COL24A1: variants seen among roughly 807,000 people sequenced by gnomAD.
The protein encoded by COL24A1 is collagen type XXIV alpha 1 chain, also known as collagen alpha-1(XXIV) chain.
A neutral mutation model predicts 253.9 loss-of-function variants in COL24A1; 224 were observed. The observed-to-expected ratio is 0.88, with a 90% CI of 0.79 to 0.99. The LOEUF (loss-of-function observed/expected upper bound fraction) is 0.99. Ranked by LOEUF, COL24A1 falls within the 50% of genes least tolerant of loss-of-function variation. The pLI, the probability that COL24A1 is intolerant of heterozygous loss-of-function variation, is 0.00. For missense variants in COL24A1, 2,131 were observed against 2,068.5 expected, an observed-to-expected ratio of 1.03 and a Z score of -0.59; for synonymous variants, 685 against 673.7, an observed-to-expected ratio of 1.02 and a Z score of -0.26.
chr1:85,982,360 C>T (rs12405568), intron 20 of COL24A1, among the ~76,000 whole-genome samples: 18,516 of 152,024 alleles, frequency 0.12, 1,260 homozygotes, highest in East Asian at 0.23. Flanking sequence ...ACAGTGTGCA[C>T]ACATTTTGTT....
chr1:85,779,031 G>A (rs752935874), intron 52 of COL24A1, among the ~76,000 whole-genome samples: 60 of 150,446 alleles, frequency 4.0e-4, no homozygotes, highest in Admixed American at 7.3e-4. Context: ...AAAGAGATGG[G>A]GTCTCACTCT....
At chr1:86,073,742 G>A (rs1317376032) in intron 7 of COL24A1, among the ~76,000 whole-genome samples, 2 of 152,114 alleles carry the variant, frequency 1.3e-5, no homozygotes, top group Non-Finnish European at 2.9e-5. Flanking sequence ...TACTCACAAA[G>A]GGAACCCCAT....
chr1:85,863,010 T>C (rs1229528994), intron 37 of COL24A1, among the ~76,000 whole-genome samples: 1 of 152,216 alleles, frequency 6.6e-6, no homozygotes, highest in Admixed American at 6.5e-5. Context: ...GGTTTGTAGT[T>C]CTCCTTGAAG....
At chr1:86,058,833 T>A (rs1399194290) in intron 9 of COL24A1, among the ~76,000 whole-genome samples, 1 of 152,214 alleles carries the variant, frequency 6.6e-6, no homozygotes. Flanking sequence ...TATTGTAAAA[T>A]CACAATCAGG....
At chr1:85,900,429 A>T (rs549994882) in intron 28 of COL24A1, among the ~76,000 whole-genome samples, 35 of 152,252 alleles carry the variant, frequency 2.3e-4, no homozygotes, top group African/African-American at 8.2e-4. Flanking sequence ...ACTTGAGCCC[A>T]GGAGTTCAAG....
chr1:86,126,028 C>T lies in COL24A1; in HGVS notation c.308G>A (p.Gly103Glu), dbSNP rs1346911661. 6.2e-7 allele frequency: 1 copy of T among 1,613,518 alleles called. No homozygotes were observed. The highest frequency in any genetic ancestry group is 1.1e-5 in the South Asian group (1 of 91,066). Residue 103 changes from glycine (G) to glutamate (E), a missense_variant, in exon 3 of 60, where the codon GGG becomes GAG. By Grantham distance (98) the Gly-to-Glu change is moderately conservative (BLOSUM62 -2). Transcript: ENST00000370571. ...PFVKILPVNL[G>E]QPFTILTGLQ... ...CCCAGTTAATATTGTAAACGGCTGC[C>T]CCAAGTTGACTGGTAAAATTTTCAC...
intron 34 of COL24A1, 33 bp from the exon 35 acceptor site, chr1:85,874,735 TCTACTA>T (rs1558487830): frequency 6.2e-7 from 1 of 1,608,008 alleles, no homozygotes; most frequent in Admixed American, 1.7e-5. Context: ...TAAACTCTTT[TCTACTA>T]AGACTGCATG....
chr1:86,063,295 T>C (rs1327934181), intron 8 of COL24A1, among the ~76,000 whole-genome samples: 1 of 152,030 alleles, frequency 6.6e-6, no homozygotes, highest in Non-Finnish European at 1.5e-5. Flanking sequence ...CAAACAGCTA[T>C]GGATTAGGCT....
At chr1:85,973,404 C>G (rs1157843055) in intron 20 of COL24A1, among the ~76,000 whole-genome samples, 1 of 151,762 alleles carries the variant, frequency 6.6e-6, no homozygotes, top group African/African-American at 2.4e-5. Flanking sequence ...GAGGTATATG[C>G]AAAGTATAAA....
At chr1:85,827,050 T>C (rs1375770645) in intron 43 of COL24A1, among the ~76,000 whole-genome samples, 7 of 152,006 alleles carry the variant, frequency 4.6e-5, no homozygotes, top group South Asian at 2.1e-4. Flanking sequence ...CAGTATGATA[T>C]TGGCTGTGGG....
rs544873300 is a variant in COL24A1, at chr1:85,922,296, C to A, written c.2563-10863G>T. Among the ~76,000 whole-genome samples, 547 of 152,268 alleles carry A rather than the reference C, an allele frequency of 3.6e-3. 1 individual carries two copies. Among genetic ancestry groups the A allele is most frequent in the Admixed American group, 6.0e-3 (92 of 15,282 alleles). ...CAACCTAGCAAGGTAGGCCAACATT[C>A]AAATTCAGGAAATACAGAGAATTCC... On this transcript the variant is annotated intron_variant, in intron 24 of 59. Transcript: ENST00000370571.
chr1:85,801,875 C>T (rs535484939), intron 47 of COL24A1, among the ~76,000 whole-genome samples: 78 of 152,228 alleles, frequency 5.1e-4, no homozygotes, highest in African/African-American at 1.7e-3. Flanking sequence ...TTTTCAGTGA[C>T]GGGCAGACAT....
chr1:85,786,319 T>C (rs1457909765), intron 48 of COL24A1, 35 bp downstream of exon 48: 1 of 1,582,538 alleles, frequency 6.3e-7, no homozygotes, highest in Non-Finnish European at 8.7e-7. Flanking sequence ...GGATGGCCAA[T>C]ACTGCTTACC....
chr1:85,783,242 T>C (rs150322219), intron 51 of COL24A1, among the ~76,000 whole-genome samples: 20 of 151,996 alleles, frequency 1.3e-4, no homozygotes, highest in African/African-American at 4.8e-4. Flanking sequence ...CATTATCCAG[T>C]CTTCACAGTA....
At chr1:86,017,275 T>A (rs17128726) in intron 18 of COL24A1, 71 bp from the exon 19 acceptor site, 63,076 of 1,292,776 alleles carry the variant, frequency 0.049, 5,579 homozygotes, top group East Asian at 0.42. Context: ...GAAACAGGCA[T>A]ATGGTAAACA....
At position 86,022,979 on chromosome 1, in the gene COL24A1, C is replaced by A. The variant is rs976118816; in HGVS notation, c.2078G>T (p.Gly693Val). The A allele has an allele frequency of 6.2e-7, 1 of 1,612,954 alleles. No individual in the cohort carries two copies. Among genetic ancestry groups the A allele is most frequent in the African/African-American group, 1.3e-5 (1 of 74,852 alleles). ...CATTGGGCCAGGAATTCCAGCAGGT[C>A]CAATTGGTCCCACAGGGCCAACACT... ...RGSVGPVGPI[G>V]PAGIPGPMGL... Residue 693 changes from glycine to valine, a missense_variant, in exon 15 of 60, where the codon GGA becomes GTA. Physicochemically the swap from Gly to Val is moderately radical, Grantham distance 109. Transcript: ENST00000370571.
intron 55 of COL24A1, among the ~76,000 whole-genome samples, chr1:85,746,353 C>A (rs943494834): frequency 2.6e-5 from 4 of 152,168 alleles, no homozygotes. Flanking sequence ...AATGTACTCT[C>A]CCTTGCTTCA....
intron 31 of COL24A1, among the ~76,000 whole-genome samples, chr1:85,894,750 C>T (rs1270919075): frequency 6.6e-6 from 1 of 152,126 alleles, no homozygotes; most frequent in South Asian, 2.1e-4. Flanking sequence ...CAATGCCACA[C>T]ACAAGTTCTT....
At chr1:85,742,653 C>T (rs755065696) in intron 57 of COL24A1, among the ~76,000 whole-genome samples, 58 of 152,054 alleles carry the variant, frequency 3.8e-4, no homozygotes, top group Non-Finnish European at 4.1e-4. Context: ...CTGATCTTAT[C>T]TCCAAAATTG....
Sources: allele counts gnomAD v4.1 joint callset (sites outside exome capture counted in the v4.1 genomes callset), GRCh38; gene constraint gnomAD v4.1.1; transcripts MANE v1.5; gene names NCBI Gene and HGNC (gene_info 2026-07-23, HGNC 2026-07-21).